The following STK32B variants were observed in gnomAD, a reference collection of about 807,000 sequenced individuals.
STK32B encodes serine/threonine kinase 32B.
A neutral mutation model predicts 52.6 loss-of-function variants in STK32B; 43 were observed. That is an observed-to-expected ratio of 0.82 (90% confidence interval 0.64 to 1.05). STK32B has a LOEUF of 1.05. Ranked by LOEUF, STK32B falls within the 50% of genes least tolerant of loss-of-function variation. The pLI is 0.00. For synonymous variants in STK32B, 238 were observed against 204.3 expected, an observed-to-expected ratio of 1.17 and a Z score of -1.41; for missense variants, 621 against 534.6, an observed-to-expected ratio of 1.16 and a Z score of -1.59.
chr4:5,127,828 A>T (rs1238190301), intron 1 of STK32B, among the ~76,000 whole-genome samples: 1 of 151,958 alleles, frequency 6.6e-6, no homozygotes, highest in Non-Finnish European at 1.5e-5. Flanking sequence ...ACCTCGTGGG[A>T]GGTAATTGAA....
At chr4:5,175,200 G>C (rs184205072) in intron 3 of STK32B, among the ~76,000 whole-genome samples, 1 of 151,622 alleles carries the variant, frequency 6.6e-6, no homozygotes, top group Non-Finnish European at 1.5e-5. Context: ...TTAGCCATTC[G>C]TCTAATTTTT....
intron 4 of STK32B, among the ~76,000 whole-genome samples, chr4:5,346,599 G>A (rs568379462): frequency 3.3e-5 from 5 of 152,290 alleles, no homozygotes; most frequent in African/African-American, 1.2e-4. Context: ...ACTCACCGCT[G>A]TAAAGAGCAG....
intron 1 of STK32B, among the ~76,000 whole-genome samples, chr4:5,065,815 C>G (rs1265051904): frequency 6.6e-6 from 1 of 152,134 alleles, no homozygotes; most frequent in African/African-American, 2.4e-5. Flanking sequence ...CCTCTGCCTC[C>G]CAGTTTCAAG....
chr4:5,164,009 C>G (rs979853770), intron 2 of STK32B, among the ~76,000 whole-genome samples: 1 of 152,172 alleles, frequency 6.6e-6, no homozygotes. Context: ...CTGGTAGGGC[C>G]GGTTCTGTAG....
chr4:5,240,893 T>C (rs537036181), intron 3 of STK32B, among the ~76,000 whole-genome samples: 1 of 152,334 alleles, frequency 6.6e-6, no homozygotes, highest in South Asian at 2.1e-4. Flanking sequence ...CACTAATCTT[T>C]TTATTTGGTC....
chr4:5,173,266 A>G (rs1719544650), intron 3 of STK32B, among the ~76,000 whole-genome samples: 1 of 152,014 alleles, frequency 6.6e-6, no homozygotes, highest in Admixed American at 6.6e-5. Context: ...TCCTGGATTC[A>G]TTGATTTTTT....
intron 5 of STK32B, among the ~76,000 whole-genome samples, chr4:5,403,234 G>A (rs1378178267): frequency 2.0e-5 from 3 of 152,042 alleles, no homozygotes; most frequent in East Asian, 1.9e-4. Context: ...TCCTTTATCC[G>A]CTCTCCTAGG....
At chr4:5,027,717 G>T in the STK32B span, among the ~76,000 whole-genome samples, 3 of 152,160 alleles carry the variant, frequency 2.0e-5, no homozygotes, top group Admixed American at 2.0e-4. Context: ...CAGGAGTGAT[G>T]ATGGGCCCAT....
intron 3 of STK32B, among the ~76,000 whole-genome samples, chr4:5,274,000 A>G (rs10022861): frequency 0.015 from 2,339 of 151,990 alleles, 31 homozygotes; most frequent in South Asian, 0.06. Context: ...ATAAAAAAAA[A>G]GAAACAAAAA....
chr4:5,446,163 G>T (rs1050539121), intron 6 of STK32B, among the ~76,000 whole-genome samples: 4 of 152,204 alleles, frequency 2.6e-5, no homozygotes, highest in Non-Finnish European at 5.9e-5. Flanking sequence ...GTAGTGTCAC[G>T]CCAGTGCTTC....
At chr4:5,086,182 G>C (rs1577058768) in intron 1 of STK32B, among the ~76,000 whole-genome samples, 2 of 152,204 alleles carry the variant, frequency 1.3e-5, no homozygotes, top group East Asian at 3.9e-4. Flanking sequence ...TGCATGCCCA[G>C]GCTTGTGCAC....
At chr4:5,344,791 A>G (rs950636262) in intron 4 of STK32B, among the ~76,000 whole-genome samples, 2 of 152,126 alleles carry the variant, frequency 1.3e-5, no homozygotes, top group Non-Finnish European at 2.9e-5. Flanking sequence ...TATCTATGCA[A>G]GCATTCAAAG....
At chr4:5,289,574 A>G (rs1020364958) in intron 3 of STK32B, among the ~76,000 whole-genome samples, 1 of 152,024 alleles carries the variant, frequency 6.6e-6, no homozygotes, top group Non-Finnish European at 1.5e-5. Flanking sequence ...ATAACTCTTT[A>G]CACCCAACAA....
At chr4:5,418,273 TATA>T (rs1455980609) in intron 6 of STK32B, among the ~76,000 whole-genome samples, 1 of 147,396 alleles carries the variant, frequency 6.8e-6, no homozygotes, top group Non-Finnish European at 1.5e-5. Context: ...TCCTTTTACT[TATA>T]ATAACTTGGT....
At chr4:5,066,506 G>A (rs76563846) in intron 1 of STK32B, among the ~76,000 whole-genome samples, 5,726 of 152,072 alleles carry the variant, frequency 0.038, 133 homozygotes, top group African/African-American at 0.051. Flanking sequence ...ATTGCTCTCC[G>A]GTCAAAGATT....
chr4:5,203,649 C>T (rs190447942), intron 3 of STK32B, among the ~76,000 whole-genome samples: 8 of 152,302 alleles, frequency 5.3e-5, no homozygotes, highest in East Asian at 1.9e-4. Context: ...CTGCCTGATA[C>T]GGCGCACAGT....
intron 3 of STK32B, among the ~76,000 whole-genome samples, chr4:5,250,761 C>T (rs1016747010): frequency 4.6e-5 from 7 of 152,166 alleles, no homozygotes; most frequent in Non-Finnish European, 8.8e-5. Flanking sequence ...GCCATTCTGA[C>T]TGGTGTGAGA....
Position 5,246,739 on chromosome 4 carries a change from A to C in STK32B, c.260+78289A>C, listed in dbSNP as rs115333183. 5.3e-3 allele frequency among the ~76,000 whole-genome samples: 813 copies of C among 152,278 alleles called. 8 individuals are homozygous for C. The highest frequency in any genetic ancestry group is 8.9e-3 in the Non-Finnish European group (604 of 68,012). On this transcript the variant is annotated intron_variant, in intron 3 of 11. Coordinates refer to ENST00000282908, the MANE Select transcript of STK32B (RefSeq NM_018401.3). ...TTGGTCTTTGATGATGGTGACATACATACGGGTTTTTGGTGTGGATGTCCT... is the reference window on the plus strand; with the variant it reads ...TTGGTCTTTGATGATGGTGACATACCTACGGGTTTTTGGTGTGGATGTCCT...
intron 11 of STK32B, among the ~76,000 whole-genome samples, chr4:5,490,616 G>A (rs1353804623): frequency 6.6e-6 from 1 of 151,524 alleles, no homozygotes; most frequent in African/African-American, 2.4e-5. Context: ...GGGTACATGT[G>A]CACAAAGTGC....
Sources: gnomAD v4.1 joint callset for allele counts (sites outside exome capture counted in the v4.1 genomes callset) on GRCh38, gnomAD v4.1.1 for gene constraint, MANE v1.5 for transcripts, NCBI Gene and HGNC (gene_info 2026-07-23, HGNC 2026-07-21) for gene names.